CTTNBP2: variants seen among roughly 807,000 people sequenced by gnomAD.
CTTNBP2 encodes the protein cortactin binding protein 2, also known as cortactin-binding protein 2.
In CTTNBP2, 108 loss-of-function variants were observed where a neutral mutation model predicts 156.9. The ratio of observed to expected loss-of-function variants is 0.69; its 90% CI spans 0.59 to 0.81. The LOEUF (loss-of-function observed/expected upper bound fraction) is 0.81. Among genes scored for constraint, CTTNBP2 ranks in the 30% least tolerant of loss-of-function variants. CTTNBP2 has a pLI of 0.00. For synonymous variants in CTTNBP2, 767 were observed against 751.8 expected (o/e 1.02, Z -0.33); for missense variants, 1,924 against 2,035.4 (o/e 0.95, Z 1.05).
intron 2 of CTTNBP2, among the ~76,000 whole-genome samples, chr7:117,832,737 C>CTTTTTTTTTTT (rs927988376): frequency 8.8e-6 from 1 of 112,996 alleles, no homozygotes; most frequent in Non-Finnish European, 1.8e-5. Flanking sequence ...ATTCATCAAC[C>CTTTTTTTTTTT]TTTTTTTTTT....
intron 2 of CTTNBP2, among the ~76,000 whole-genome samples, chr7:117,844,199 C>A (rs1452635520): frequency 6.6e-6 from 1 of 152,200 alleles, no homozygotes; most frequent in Non-Finnish European, 1.5e-5. Flanking sequence ...GAAATGGATC[C>A]TCCCATGGAA....
At chr7:117,810,519 A>G (rs1800210916) in intron 3 of CTTNBP2, among the ~76,000 whole-genome samples, 1 of 152,182 alleles carries the variant, frequency 6.6e-6, no homozygotes, top group African/African-American at 2.4e-5. Flanking sequence ...TAAAGAAAGT[A>G]TCAAAGTAAC....
At chr7:117,764,506 T>C (rs1797372629) in intron 9 of CTTNBP2, among the ~76,000 whole-genome samples, 1 of 152,244 alleles carries the variant, frequency 6.6e-6, no homozygotes, top group East Asian at 1.9e-4. Context: ...TGCATATTTT[T>C]ACACTTTGCC....
intron 2 of CTTNBP2, among the ~76,000 whole-genome samples, chr7:117,823,767 T>C (rs1801114880): frequency 1.3e-5 from 2 of 152,206 alleles, no homozygotes; most frequent in South Asian, 4.1e-4. Context: ...CATGTCTCAC[T>C]GCAGCCTTGA....
At chr7:117,871,083 T>G (rs567112296) in intron 1 of CTTNBP2, among the ~76,000 whole-genome samples, 8 of 152,214 alleles carry the variant, frequency 5.3e-5, no homozygotes, top group African/African-American at 1.9e-4. Flanking sequence ...ATGCACGATA[T>G]GTAAACCAAT....
At chr7:117,756,924 G>A (rs991967465) in intron 11 of CTTNBP2, among the ~76,000 whole-genome samples, 7 of 152,150 alleles carry the variant, frequency 4.6e-5, no homozygotes, top group Non-Finnish European at 8.8e-5. Flanking sequence ...AGGGCCTCCC[G>A]ATCCCAGCCC....
intron 1 of CTTNBP2, among the ~76,000 whole-genome samples, chr7:117,865,884 T>C (rs538044884): frequency 6.7e-6 from 1 of 148,864 alleles, no homozygotes; most frequent in Admixed American, 6.7e-5. Context: ...TATTAATTTA[T>C]TGTATGTTAA....
intron 16 of CTTNBP2, among the ~76,000 whole-genome samples, chr7:117,734,570 T>G (rs1056282863): frequency 2.0e-5 from 3 of 152,244 alleles, no homozygotes; most frequent in Admixed American, 6.5e-5. Context: ...TTGTAAAATG[T>G]GCTCACAAGG....
At chr7:117,808,096 CT>C (rs977527902) in intron 3 of CTTNBP2, among the ~76,000 whole-genome samples, 1 of 152,114 alleles carries the variant, frequency 6.6e-6, no homozygotes, top group African/African-American at 2.4e-5. Flanking sequence ...ATTGTTCCCC[CT>C]CTGAATTTCC....
At chr7:117,865,586 AG>A (rs1446735720) in intron 1 of CTTNBP2, among the ~76,000 whole-genome samples, 1 of 147,022 alleles carries the variant, frequency 6.8e-6, no homozygotes, top group African/African-American at 2.5e-5. Context: ...TGTAGGTGGG[AG>A]AATTGCTTGA....
intron 4 of CTTNBP2, among the ~76,000 whole-genome samples, chr7:117,787,317 A>C (rs35850544): frequency 0.1 from 15,382 of 152,210 alleles, 1,165 homozygotes; most frequent in African/African-American, 0.21. Context: ...AGCATCCTGC[A>C]CAACATGCCA....
At chr7:117,800,664 C>G (rs1799559505) in intron 3 of CTTNBP2, among the ~76,000 whole-genome samples, 1 of 151,884 alleles carries the variant, frequency 6.6e-6, no homozygotes, top group Non-Finnish European at 1.5e-5. Flanking sequence ...GGGTTTCTCA[C>G]TGGTGGAAAA....
chr7:117,863,497 A>T (rs1356249860), intron 1 of CTTNBP2, among the ~76,000 whole-genome samples: 1 of 152,222 alleles, frequency 6.6e-6, no homozygotes, highest in East Asian at 1.9e-4. Flanking sequence ...ACCTTGTGAA[A>T]AAACAAGCCA....
chr7:117,764,732 T>G (rs1311858969), intron 9 of CTTNBP2, among the ~76,000 whole-genome samples: 1 of 152,228 alleles, frequency 6.6e-6, no homozygotes, highest in Non-Finnish European at 1.5e-5. Context: ...TTTATCCATT[T>G]CCTAATAGAT....
At chr7:117,826,655 T>C (rs889697059) in intron 2 of CTTNBP2, among the ~76,000 whole-genome samples, 5 of 152,108 alleles carry the variant, frequency 3.3e-5, no homozygotes, top group Non-Finnish European at 7.4e-5. Context: ...AGCAATCCTA[T>C]CATAAAACTT....
At chr7:117,819,830 C>A (rs930496973) in intron 2 of CTTNBP2, among the ~76,000 whole-genome samples, 2 of 152,096 alleles carry the variant, frequency 1.3e-5, no homozygotes, top group African/African-American at 4.8e-5. Context: ...AATTGTCATG[C>A]CAGGAATATA....
At position 117,810,859 on chromosome 7, in the gene CTTNBP2, G is replaced by A; in HGVS notation, c.320C>T (p.Pro107Leu). 1 of 1,614,054 alleles carries A rather than the reference G, an allele frequency of 6.2e-7. No homozygotes were observed. Among genetic ancestry groups the A allele is most frequent in the Non-Finnish European group, 8.5e-7 (1 of 1,179,994 alleles). The change falls in exon 3 of 23, where the codon CCC becomes CTC. Residue 107 changes from proline (P) to leucine (L), a missense_variant. Physicochemically the swap from Pro to Leu is moderately conservative, Grantham distance 98. Transcript: ENST00000160373. ...DKEKKPVCTN[P>L]LSILEAVMAH... Reference sequence around the variant, plus strand: ...CATGACTGCTTCAAGGATGGAGAGGGGGTTGGTACAAACTGGCTTCTTCTC... The same window carrying A: ...CATGACTGCTTCAAGGATGGAGAGGAGGTTGGTACAAACTGGCTTCTTCTC...
At chr7:117,853,670 TC>T (rs1228790705) in intron 2 of CTTNBP2, among the ~76,000 whole-genome samples, 1 of 152,162 alleles carries the variant, frequency 6.6e-6, no homozygotes, top group Non-Finnish European at 1.5e-5. Flanking sequence ...AAAAATATAT[TC>T]CTGGTTTCAT....
chr7:117,750,881 T>C (rs764615367), intron 12 of CTTNBP2, among the ~76,000 whole-genome samples: 14 of 152,210 alleles, frequency 9.2e-5, no homozygotes, highest in Non-Finnish European at 1.9e-4. Flanking sequence ...AGATCTGTTC[T>C]TTGAAAAAGA....
Sources: allele counts gnomAD v4.1 joint callset (sites outside exome capture counted in the v4.1 genomes callset), GRCh38; gene constraint gnomAD v4.1.1; transcripts MANE v1.5; gene names NCBI Gene and HGNC (gene_info 2026-07-23, HGNC 2026-07-21).